DSCAML1: variants seen among roughly 807,000 people sequenced by gnomAD.
DSCAML1 encodes DS cell adhesion molecule like 1, also known as cell adhesion molecule DSCAML1.
DSCAML1 carries 38 observed loss-of-function variants against 200.5 expected under a neutral mutation model. The ratio of observed to expected loss-of-function variants is 0.19; its 90% CI spans 0.15 to 0.25. The LOEUF (loss-of-function observed/expected upper bound fraction) is 0.25, where lower values mean the gene tolerates loss of function less well. Among genes scored for constraint, DSCAML1 ranks in the 10% least tolerant of loss-of-function variants. The pLI, the probability that DSCAML1 is intolerant of heterozygous loss-of-function variation, is 1.00. For missense variants in DSCAML1, 2,223 were observed against 2,858.8 expected (o/e 0.78, Z 5.07); for synonymous variants, 1,215 against 1,165.0 (o/e 1.04, Z -0.87).
intron 3 of DSCAML1, among the ~76,000 whole-genome samples, chr11:117,626,483 G>A (rs1458649332): frequency 6.6e-6 from 1 of 152,086 alleles, no homozygotes; most frequent in African/African-American, 2.4e-5. Flanking sequence ...AGTTAGATGA[G>A]TGGGCCATTA....
intron 1 of DSCAML1, among the ~76,000 whole-genome samples, chr11:117,783,133 C>T (rs2055292537): frequency 6.6e-6 from 1 of 152,210 alleles, no homozygotes. Flanking sequence ...CACACACACT[C>T]CTTCCTGGGA....
At chr11:117,809,051 C>T (rs973183627) in intron 1 of DSCAML1, among the ~76,000 whole-genome samples, 5 of 152,214 alleles carry the variant, frequency 3.3e-5, no homozygotes, top group Admixed American at 2.6e-4. Context: ...GTCACTGCCC[C>T]GCCCCTGCTT....
intron 4 of DSCAML1, among the ~76,000 whole-genome samples, chr11:117,529,979 G>T (rs1052872338): frequency 2.6e-5 from 4 of 152,088 alleles, no homozygotes; most frequent in African/African-American, 9.7e-5. Context: ...CGCTGCATGT[G>T]CCCCCTCCCT....
At chr11:117,550,262 A>G (rs775053255) in intron 3 of DSCAML1, among the ~76,000 whole-genome samples, 1 of 152,228 alleles carries the variant, frequency 6.6e-6, no homozygotes, top group African/African-American at 2.4e-5. Context: ...GAGGAGGGCA[A>G]TATGATCCTC....
intron 3 of DSCAML1, among the ~76,000 whole-genome samples, chr11:117,764,468 G>C (rs2054857687): frequency 2.0e-5 from 3 of 152,178 alleles, no homozygotes; most frequent in Admixed American, 1.3e-4. Flanking sequence ...AGAGACCCTT[G>C]GGAATCACTG....
chr11:117,704,409 C>A (rs957391121), intron 3 of DSCAML1, among the ~76,000 whole-genome samples: 1 of 152,120 alleles, frequency 6.6e-6, no homozygotes, highest in African/African-American at 2.4e-5. Context: ...CCCACATTTA[C>A]CCCTTCCCAT....
intron 3 of DSCAML1, among the ~76,000 whole-genome samples, chr11:117,648,974 T>C (rs1431181504): frequency 1.3e-5 from 2 of 152,036 alleles, no homozygotes; most frequent in African/African-American, 2.4e-5. Flanking sequence ...GCATCTACTC[T>C]GGCCAGGATT....
intron 3 of DSCAML1, among the ~76,000 whole-genome samples, chr11:117,607,827 G>T (rs1182751475): frequency 6.6e-6 from 1 of 152,226 alleles, no homozygotes; most frequent in Non-Finnish European, 1.5e-5. Flanking sequence ...CCTGCACTCA[G>T]TAGCCCTTTT....
intron 3 of DSCAML1, among the ~76,000 whole-genome samples, chr11:117,633,436 T>G (rs1047593036): frequency 1.3e-5 from 2 of 152,170 alleles, no homozygotes; most frequent in African/African-American, 4.8e-5. Context: ...GGGCTCTGAG[T>G]GCTCTGAAAA....
At chr11:117,746,148 G>C (rs943493869) in intron 3 of DSCAML1, among the ~76,000 whole-genome samples, 1 of 148,430 alleles carries the variant, frequency 6.7e-6, no homozygotes, top group Non-Finnish European at 1.5e-5. Flanking sequence ...CGTGAACCCG[G>C]GAGGCGGAGC....
Position 117,463,020 on chromosome 11 carries a change from T to C in DSCAML1, c.3266-1424A>G, listed in dbSNP as rs1592615652. On this transcript the variant is annotated intron_variant, in intron 17 of 32. Transcript: ENST00000651296. The surrounding 1 kb of genome is among the most constrained non-coding windows in gnomAD (Gnocchi z 4.0). Reference sequence around the variant, plus strand: ...AGAGGTGGGCCTGGCGTGGCCCGGGTGGTGCATGGGAGCTTAGCGTTAGGT... The same window carrying C: ...AGAGGTGGGCCTGGCGTGGCCCGGGCGGTGCATGGGAGCTTAGCGTTAGGT... Among the ~76,000 whole-genome samples, 2 of 152,052 alleles carry C rather than the reference T, an allele frequency of 1.3e-5. No individual in the cohort carries two copies. Among genetic ancestry groups the C allele is most frequent in the Admixed American group, 1.3e-4 (2 of 15,254 alleles).
chr11:117,781,089 G>C (rs2055251741), intron 1 of DSCAML1, among the ~76,000 whole-genome samples: 2 of 152,080 alleles, frequency 1.3e-5, no homozygotes, highest in Admixed American at 6.5e-5. Flanking sequence ...CTGAGGTCAG[G>C]AGTTCATGAA....
intron 1 of DSCAML1, among the ~76,000 whole-genome samples, chr11:117,792,103 G>A (rs1407440377): frequency 6.6e-6 from 1 of 152,138 alleles, no homozygotes; most frequent in Non-Finnish European, 1.5e-5. Context: ...ATGAATAAAA[G>A]CTCTGGTTGA....
intron 3 of DSCAML1, among the ~76,000 whole-genome samples, chr11:117,546,517 C>A (rs1318942312): frequency 6.6e-6 from 1 of 152,188 alleles, no homozygotes; most frequent in African/African-American, 2.4e-5. Context: ...CCATTCCCAC[C>A]AACTCCTAAC....
intron 3 of DSCAML1, among the ~76,000 whole-genome samples, chr11:117,587,967 A>T (rs2051182888): frequency 6.6e-6 from 1 of 152,106 alleles, no homozygotes; most frequent in Non-Finnish European, 1.5e-5. Flanking sequence ...CATCACTTTA[A>T]ACCTCAGCAT....
chr11:117,467,389 G>A (rs937265598), intron 16 of DSCAML1, among the ~76,000 whole-genome samples: 1 of 152,136 alleles, frequency 6.6e-6, no homozygotes, highest in Non-Finnish European at 1.5e-5. Flanking sequence ...CCACCCCAGC[G>A]CATTTAAAAA....
chr11:117,591,554 G>C (rs1192127542), intron 3 of DSCAML1, among the ~76,000 whole-genome samples: 2 of 152,190 alleles, frequency 1.3e-5, no homozygotes, highest in Non-Finnish European at 2.9e-5. Context: ...CTCTGTCTGG[G>C]GACGTGGAGA....
chr11:117,506,721 A>AT (rs148717406), intron 8 of DSCAML1, among the ~76,000 whole-genome samples: 65,426 of 150,738 alleles, frequency 0.43, 14,335 homozygotes, highest in South Asian at 0.55. Flanking sequence ...CTAATTTTTA[A>AT]TTTTTTTTAA....
intron 24 of DSCAML1, 73 bp from the exon 25 acceptor site, chr11:117,438,156 C>A: frequency 6.9e-7 from 1 of 1,445,012 alleles, no homozygotes; most frequent in East Asian, 2.4e-5. Flanking sequence ...TCAGGTACCC[C>A]AACAGGGGGC....
Sources: allele counts gnomAD v4.1 joint callset (sites outside exome capture counted in the v4.1 genomes callset), GRCh38; gene constraint gnomAD v4.1.1; non-coding constraint Gnocchi (gnomAD v3.1); transcripts MANE v1.5; gene names NCBI Gene and HGNC (gene_info 2026-07-23, HGNC 2026-07-21).